TBL1XR1: variants seen among roughly 807,000 people sequenced by gnomAD.
TBL1XR1 encodes TBL1X/Y related 1.
Under a neutral mutation model 66.9 loss-of-function variants are expected in TBL1XR1, and 5 were observed. The observed-to-expected ratio is 0.07, with a 90% CI of 0.04 to 0.16. The LOEUF is 0.16. Ranked by LOEUF, TBL1XR1 falls within the 10% of genes least tolerant of loss-of-function variation. The pLI, the probability that TBL1XR1 is intolerant of heterozygous loss-of-function variation, is 1.00. For missense variants in TBL1XR1, 238 were observed against 623.2 expected (o/e 0.38, Z 6.58); for synonymous variants, 210 against 206.0 (o/e 1.02, Z -0.17).
chr3:177,036,512 A>G (rs768291528), intron 12 of TBL1XR1, among the ~76,000 whole-genome samples: 2 of 152,192 alleles, frequency 1.3e-5, no homozygotes, highest in Admixed American at 1.3e-4. Flanking sequence ...ACCTCTCTCC[A>G]GCTTCAACTC....
At chr3:177,091,885 G>A (rs1326393757) in intron 2 of TBL1XR1, among the ~76,000 whole-genome samples, 1 of 152,124 alleles carries the variant, frequency 6.6e-6, no homozygotes, top group Admixed American at 6.5e-5. Context: ...TTATAGAAAT[G>A]TTACACATAA....
intron 1 of TBL1XR1, among the ~76,000 whole-genome samples, chr3:177,190,926 G>C (rs998986229): frequency 6.6e-6 from 1 of 152,174 alleles, no homozygotes; most frequent in South Asian, 2.1e-4. Flanking sequence ...ACAGTTATGG[G>C]ATTTGTGATC....
intron 1 of TBL1XR1, among the ~76,000 whole-genome samples, chr3:177,109,589 G>A (rs961838330): frequency 6.6e-5 from 10 of 152,008 alleles, no homozygotes; most frequent in African/African-American, 1.9e-4. Flanking sequence ...CCTTTACATC[G>A]AGTTACTATT....
intron 1 of TBL1XR1, among the ~76,000 whole-genome samples, chr3:177,165,468 T>G (rs938728251): frequency 3.9e-5 from 6 of 152,080 alleles, no homozygotes; most frequent in Non-Finnish European, 4.4e-5. Context: ...CCCAGCAAAT[T>G]TTGTGGATAT....
intron 1 of TBL1XR1, among the ~76,000 whole-genome samples, chr3:177,130,249 G>A (rs1728141133): frequency 6.6e-6 from 1 of 151,776 alleles, no homozygotes; most frequent in Non-Finnish European, 1.5e-5. Context: ...TCATCAAAAC[G>A]TTTGCACACA....
chr3:177,141,553 A>C (rs972096289), intron 1 of TBL1XR1, among the ~76,000 whole-genome samples: 1 of 152,250 alleles, frequency 6.6e-6, no homozygotes, highest in African/African-American at 2.4e-5. Context: ...ACACATTTGC[A>C]AGGTTACATA....
intron 3 of TBL1XR1, among the ~76,000 whole-genome samples, chr3:177,054,224 A>G (rs1447063704): frequency 6.6e-6 from 1 of 152,246 alleles, no homozygotes; most frequent in African/African-American, 2.4e-5. Flanking sequence ...AACAAAAAGC[A>G]TCAAATGTAA....
intron 3 of TBL1XR1, among the ~76,000 whole-genome samples, chr3:177,059,171 C>T (rs1181655605): frequency 6.6e-6 from 1 of 152,200 alleles, no homozygotes; most frequent in Non-Finnish European, 1.5e-5. Flanking sequence ...TGACTAGAAG[C>T]ACATTACTGA....
At chr3:177,032,642 T>A (rs1714166867) in intron 14 of TBL1XR1, 1 of 172,052 alleles carries the variant, frequency 5.8e-6, no homozygotes, top group African/African-American at 2.4e-5. Flanking sequence ...TGCTCACATA[T>A]AGCTCCTTCG....
At chr3:177,180,879 G>A (rs1734737586) in intron 1 of TBL1XR1, among the ~76,000 whole-genome samples, 1 of 151,872 alleles carries the variant, frequency 6.6e-6, no homozygotes, top group South Asian at 2.1e-4. Flanking sequence ...TACGATTACA[G>A]GCCACCACGC....
intron 13 of TBL1XR1, among the ~76,000 whole-genome samples, chr3:177,033,499 A>G (rs1035541972): frequency 6.6e-6 from 1 of 151,134 alleles, no homozygotes; most frequent in African/African-American, 2.4e-5. Flanking sequence ...AAGTGACCAC[A>G]TTTTTCCATT....
chr3:177,038,280 T>C (rs763064255), intron 11 of TBL1XR1, 33 bp downstream of exon 11: 26 of 1,594,996 alleles, frequency 1.6e-5, no homozygotes, highest in Middle Eastern at 1.7e-4. Flanking sequence ...TTGTTAATCA[T>C]GACCACTTTA....
intron 3 of TBL1XR1, among the ~76,000 whole-genome samples, 187 bp from the exon 4 acceptor site, chr3:177,054,105 A>T (rs904623452): frequency 2.0e-5 from 3 of 151,836 alleles, no homozygotes; most frequent in Non-Finnish European, 1.5e-5. Context: ...TAAACATGTC[A>T]GCCTTTACAT....
At chr3:177,116,156 G>A (rs1726283510) in intron 1 of TBL1XR1, among the ~76,000 whole-genome samples, 1 of 152,046 alleles carries the variant, frequency 6.6e-6, no homozygotes. Flanking sequence ...TGTTTAAAAT[G>A]GTATTTTACT....
intron 1 of TBL1XR1, among the ~76,000 whole-genome samples, chr3:177,147,693 A>C (rs540835824): frequency 4.4e-4 from 67 of 152,258 alleles, no homozygotes; most frequent in African/African-American, 1.3e-3. Context: ...TCATTCATGC[A>C]ATGGCTCCTA....
intron 1 of TBL1XR1, among the ~76,000 whole-genome samples, chr3:177,123,349 G>A (rs1365377480): frequency 6.6e-6 from 1 of 151,930 alleles, no homozygotes; most frequent in Non-Finnish European, 1.5e-5. Flanking sequence ...CACTCATTGA[G>A]CATACCTACA....
intron 1 of TBL1XR1, among the ~76,000 whole-genome samples, chr3:177,179,761 T>C (rs1175301854): frequency 6.6e-6 from 1 of 152,232 alleles, no homozygotes; most frequent in Admixed American, 6.5e-5. Flanking sequence ...GTCACTTCTA[T>C]GTTGATTTGT....
In TBL1XR1 at chr3:177,021,833, T is replaced by C. The variant is rs561665425; in HGVS notation, c.*3665A>G. 1 of 152,738 alleles carries C rather than the reference T, an allele frequency of 6.5e-6. No individual in the cohort carries two copies. The highest frequency in any genetic ancestry group is 2.4e-5 in the African/African-American group (1 of 41,582). 9.5% of individuals were successfully genotyped at this position (152,738 alleles called of 1,614,324 possible). ...TCACCATATGCAAGTACCATCCTTA[T>C]CATGCGAGAATAATCACAGGTTCTG... On this transcript the variant is annotated 3_prime_UTR_variant, in exon 16 of 16. Coordinates refer to ENST00000457928, the MANE Select transcript of TBL1XR1 (RefSeq NM_024665.7).
Position 177,038,000 on chromosome 3 carries a change from A to T in TBL1XR1, c.1122+98T>A, listed in dbSNP as rs143684236. On this transcript the variant is annotated intron_variant, in intron 12 of 15. Transcript: ENST00000457928. The stretch of plus-strand genomic sequence containing the variant: ...TTGGAGTTTTCATGCAGGTACAAAC[A>T]CTCCATGTAAGACAGACATTCTAAA... The T allele has an allele frequency of 1.2e-3, 1,237 of 1,004,144 alleles. 15 individuals carry two copies. In the African/African-American group the frequency reaches 0.018, roughly 15 times the overall value. 62.2% of individuals were successfully genotyped at this position (1,004,144 alleles called of 1,614,324 possible).
Sources: allele counts gnomAD v4.1 joint callset (sites outside exome capture counted in the v4.1 genomes callset), GRCh38; gene constraint gnomAD v4.1.1; transcripts MANE v1.5; gene names NCBI Gene and HGNC (gene_info 2026-07-23, HGNC 2026-07-21).